Variants in TRABD2B observed in about 807,000 individuals in gnomAD.
The protein encoded by TRABD2B is metalloprotease TIKI2.
In TRABD2B, 14 loss-of-function variants were observed where a neutral mutation model predicts 40.1. The observed-to-expected ratio is 0.35, with a 90% CI of 0.23 to 0.55. The LOEUF (loss-of-function observed/expected upper bound fraction) is 0.55, where lower values mean the gene tolerates loss of function less well. Among genes scored for constraint, TRABD2B ranks in the 20% least tolerant of loss-of-function variants. The pLI is 0.90. For missense variants in TRABD2B, 541 were observed against 648.6 expected, an observed-to-expected ratio of 0.83 and a Z score of 1.80; for synonymous variants, 263 against 277.0, an observed-to-expected ratio of 0.95 and a Z score of 0.50.
chr1:47,802,847 C>T (rs998795981), intron 2 of TRABD2B, among the ~76,000 whole-genome samples: 3 of 152,162 alleles, frequency 2.0e-5, no homozygotes, highest in African/African-American at 7.2e-5. Context: ...ATTTCTCTCT[C>T]TCTCTTTTGC....
intron 2 of TRABD2B, among the ~76,000 whole-genome samples, chr1:47,850,612 C>T (rs1645536430): frequency 6.6e-6 from 1 of 152,212 alleles, no homozygotes; most frequent in South Asian, 2.1e-4. Context: ...AAGCCACCTC[C>T]CCATCTTGGT....
intron 2 of TRABD2B, among the ~76,000 whole-genome samples, chr1:47,863,853 C>T (rs779101830): frequency 6.6e-5 from 10 of 152,106 alleles, no homozygotes; most frequent in Non-Finnish European, 1.5e-4. Context: ...CCATGATGTC[C>T]GTCAGTAGAT....
intron 2 of TRABD2B, among the ~76,000 whole-genome samples, chr1:47,846,766 A>T (rs1403772054): frequency 1.3e-5 from 2 of 152,126 alleles, no homozygotes; most frequent in African/African-American, 4.8e-5. Flanking sequence ...GTGAACATCC[A>T]TATAGATCAT....
intron 2 of TRABD2B, among the ~76,000 whole-genome samples, chr1:47,828,610 C>T (rs1645208934): frequency 6.6e-6 from 1 of 152,160 alleles, no homozygotes; most frequent in South Asian, 2.1e-4. Context: ...AGGTATAAGT[C>T]CCTTTGGTCA....
intron 2 of TRABD2B, among the ~76,000 whole-genome samples, chr1:47,824,532 A>C (rs1211490487): frequency 6.6e-6 from 1 of 152,194 alleles, no homozygotes; most frequent in African/African-American, 2.4e-5. Context: ...CACACAGTTC[A>C]CCTGGTAGGC....
intron 2 of TRABD2B, among the ~76,000 whole-genome samples, chr1:47,870,605 C>T (rs1038466062): frequency 3.9e-5 from 6 of 152,204 alleles, no homozygotes; most frequent in Non-Finnish European, 8.8e-5. Context: ...AGGAAACATG[C>T]ATTGCCCACA....
chr1:47,832,240 G>A (rs895941996), intron 2 of TRABD2B, among the ~76,000 whole-genome samples: 43 of 152,174 alleles, frequency 2.8e-4, no homozygotes, highest in African/African-American at 1.0e-3. Context: ...GGCTGAGGCA[G>A]GAGAAAGGCG....
At chr1:47,893,722 T>C (rs781173675) in intron 2 of TRABD2B, among the ~76,000 whole-genome samples, 2 of 152,172 alleles carry the variant, frequency 1.3e-5, no homozygotes, top group Non-Finnish European at 2.9e-5. Context: ...GCTACCTTCC[T>C]AGCGTTGTTC....
chr1:47,831,574 G>T (rs1181688123), intron 2 of TRABD2B, among the ~76,000 whole-genome samples: 1 of 152,204 alleles, frequency 6.6e-6, no homozygotes, highest in Admixed American at 6.5e-5. Flanking sequence ...TGACAGAGCT[G>T]CTGTATGCTG....
intron 2 of TRABD2B, among the ~76,000 whole-genome samples, chr1:47,963,182 A>G (rs1348442041): frequency 6.6e-6 from 1 of 152,254 alleles, no homozygotes; most frequent in Non-Finnish European, 1.5e-5. Context: ...ACAGATTAAC[A>G]TAACAGGTTT....
At chr1:47,835,649 A>G (rs963149490) in intron 2 of TRABD2B, among the ~76,000 whole-genome samples, 4 of 152,242 alleles carry the variant, frequency 2.6e-5, no homozygotes, top group Non-Finnish European at 4.4e-5. Context: ...ACGTCAATGA[A>G]GAATTCTATA....
At position 47,996,856 on chromosome 1, in the gene TRABD2B, C is replaced by G; in HGVS notation, c.-67G>C. On this transcript the variant is annotated 5_prime_UTR_variant, in exon 1 of 7. Coordinates refer to ENST00000606738, the MANE Select transcript of TRABD2B (RefSeq NM_001194986.2). This position sits in a 1 kb window ranked among gnomAD's most constrained non-coding sequence, Gnocchi z 4.6. The stretch of plus-strand genomic sequence containing the variant: ...CGCCCCTCAGCGGGGCGGGGAGCCC[C>G]CAGTTGGGCACGGAGTTTCCTCTGG... 1 of 1,156,984 alleles carries G rather than the reference C, an allele frequency of 8.6e-7. No homozygotes were observed. 71.7% of individuals were successfully genotyped at this position (1,156,984 alleles called of 1,614,324 possible).
chr1:47,774,111 G>A (rs567701984), intron 6 of TRABD2B, among the ~76,000 whole-genome samples: 2 of 152,134 alleles, frequency 1.3e-5, no homozygotes, highest in African/African-American at 2.4e-5. Flanking sequence ...AGGTGTACAC[G>A]CAACATACAG....
At chr1:47,767,918 C>T (rs1330395898) in intron 6 of TRABD2B, among the ~76,000 whole-genome samples, 1 of 152,216 alleles carries the variant, frequency 6.6e-6, no homozygotes, top group African/African-American at 2.4e-5. Context: ...TCCAGGCCAC[C>T]GTCCTGGCCA....
intron 6 of TRABD2B, among the ~76,000 whole-genome samples, chr1:47,769,353 G>A (rs1400910454): frequency 6.6e-6 from 1 of 152,178 alleles, no homozygotes; most frequent in South Asian, 2.1e-4. Context: ...CCATCAGAAG[G>A]CGAGACCAAG....
chr1:47,780,945 G>A (rs1252353026), intron 4 of TRABD2B, among the ~76,000 whole-genome samples: 14 of 152,202 alleles, frequency 9.2e-5, no homozygotes, highest in Admixed American at 8.5e-4. Flanking sequence ...TTTCTTGTGC[G>A]TCAAACGGGC....
intron 2 of TRABD2B, among the ~76,000 whole-genome samples, chr1:47,992,340 T>C (rs1196892653): frequency 6.6e-6 from 1 of 152,202 alleles, no homozygotes; most frequent in Non-Finnish European, 1.5e-5. Context: ...GTTTTCACCC[T>C]ACCAAAGCCA....
intron 2 of TRABD2B, among the ~76,000 whole-genome samples, chr1:47,866,251 C>T (rs1570158758): frequency 1.3e-5 from 2 of 151,928 alleles, no homozygotes; most frequent in East Asian, 3.9e-4. Context: ...GGGCTCTGTC[C>T]CTTGGAAGTC....
In TRABD2B at chr1:47,762,669, C is replaced by T. The variant is rs776591032; in HGVS notation, c.*3233G>A. On this transcript the variant is annotated 3_prime_UTR_variant, in exon 7 of 7. Coordinates refer to ENST00000606738, the MANE Select transcript of TRABD2B (RefSeq NM_001194986.2). ...TAACCAGCACAAGGTTCCATGCTTC[C>T]TAGATCCCAGATCTTTGACTCTCAG... is the stretch of plus-strand genomic sequence containing the variant. 4 of 152,186 alleles carry T rather than the reference C, an allele frequency of 2.6e-5. No homozygotes were observed. The highest frequency in any genetic ancestry group is 4.4e-5 in the Non-Finnish European group (3 of 68,034). 9.4% of individuals were successfully genotyped at this position (152,186 alleles called of 1,614,324 possible). A position where few individuals can be genotyped will look rare whatever the true frequency, so the allele number is the denominator to read the frequency against.
Sources: allele counts gnomAD v4.1 joint callset (sites outside exome capture counted in the v4.1 genomes callset), GRCh38; gene constraint gnomAD v4.1.1; non-coding constraint Gnocchi (gnomAD v3.1); transcripts MANE v1.5; gene names NCBI Gene and HGNC (gene_info 2026-07-23, HGNC 2026-07-21).